The following C8orf34 variants were observed in gnomAD, a reference collection of about 807,000 sequenced individuals.
C8orf34 encodes the protein chromosome 8 open reading frame 34.
C8orf34 carries 65 observed loss-of-function variants against 68.3 expected under a neutral mutation model. The observed-to-expected ratio is 0.95, with a 90% CI of 0.78 to 1.17. The LOEUF is 1.17. C8orf34 is among the 50% of genes most tolerant of loss of function. The probability of loss-of-function intolerance (pLI) is 0.00; values close to 1 mark genes in which losing one functional copy is unlikely to be tolerated. For synonymous variants in C8orf34, 244 were observed against 241.2 expected (o/e 1.01, Z -0.11); for missense variants, 664 against 655.4 (o/e 1.01, Z -0.14).
At chr8:68,449,199 A>C (rs1157091749) in intron 3 of C8orf34, among the ~76,000 whole-genome samples, 1 of 152,132 alleles carries the variant, frequency 6.6e-6, no homozygotes, top group Non-Finnish European at 1.5e-5. Flanking sequence ...CCTTACCTTA[A>C]ATCATACCTG....
At chr8:68,567,588 T>G (rs987552447) in intron 7 of C8orf34, among the ~76,000 whole-genome samples, 1 of 118,348 alleles carries the variant, frequency 8.4e-6, no homozygotes, top group Non-Finnish European at 1.8e-5. Context: ...TTTTTTTTTT[T>G]TTTTTTTTTT....
chr8:68,728,413 A>T (rs751710431), intron 10 of C8orf34, among the ~76,000 whole-genome samples: 47 of 151,950 alleles, frequency 3.1e-4, no homozygotes, highest in African/African-American at 1.0e-3. Flanking sequence ...AACTGTTCCA[A>T]CCTCTGCCTG....
chr8:68,720,139 T>C (rs919869230), intron 9 of C8orf34, among the ~76,000 whole-genome samples: 1 of 151,994 alleles, frequency 6.6e-6, no homozygotes, highest in African/African-American at 2.4e-5. Context: ...GGAAAAGTAG[T>C]AAGTAAAATC....
intron 8 of C8orf34, among the ~76,000 whole-genome samples, chr8:68,657,348 A>C (rs180712782): frequency 6.6e-6 from 1 of 152,256 alleles, no homozygotes; most frequent in Non-Finnish European, 1.5e-5. Flanking sequence ...TGGAGCTCTC[A>C]TGCATGGAAT....
chr8:68,494,228 A>C (rs922116062), intron 5 of C8orf34, among the ~76,000 whole-genome samples: 1 of 152,220 alleles, frequency 6.6e-6, no homozygotes, highest in African/African-American at 2.4e-5. Context: ...ATACTACAAC[A>C]TGGATGAACC....
Position 68,395,545 on chromosome 8 carries a change from C to T in C8orf34, c.328-43954C>T, listed in dbSNP as rs142386974. 1.4e-4 allele frequency among the ~76,000 whole-genome samples: 21 copies of T among 152,154 alleles called. No homozygotes were observed. The East Asian group carries it at 3.7e-3, about 27-fold the overall frequency. On this transcript the variant is annotated intron_variant, in intron 1 of 13. Coordinates refer to ENST00000518698, the MANE Select transcript of C8orf34 (RefSeq NM_052958.4). ...TTCTGTTTTATACTTCTTATTTCTGCCTCACCATGTCAAATAACAATGAAA... is the reference window on the plus strand; with the variant it reads ...TTCTGTTTTATACTTCTTATTTCTGTCTCACCATGTCAAATAACAATGAAA...
chr8:68,549,724 T>A (rs1816002448), intron 7 of C8orf34, among the ~76,000 whole-genome samples: 1 of 151,728 alleles, frequency 6.6e-6, no homozygotes, highest in African/African-American at 2.4e-5. Flanking sequence ...AATAGTAGAT[T>A]TATCTATATT....
chr8:68,567,851 G>T (rs891557897), intron 7 of C8orf34, among the ~76,000 whole-genome samples: 1 of 151,788 alleles, frequency 6.6e-6, no homozygotes, highest in Admixed American at 6.6e-5. Flanking sequence ...TGGTGAAGAG[G>T]CCTAGTTTTC....
At chr8:68,697,204 C>T (rs887474006) in intron 8 of C8orf34, among the ~76,000 whole-genome samples, 1 of 151,654 alleles carries the variant, frequency 6.6e-6, no homozygotes, top group Admixed American at 6.6e-5. Context: ...CTTGATATTT[C>T]CTTTTATTTG....
intron 7 of C8orf34, among the ~76,000 whole-genome samples, chr8:68,562,148 G>C (rs960783440): frequency 3.3e-5 from 5 of 152,176 alleles, no homozygotes; most frequent in Non-Finnish European, 1.5e-5. Context: ...GTTCACACCA[G>C]CATCACCACA....
intron 7 of C8orf34, chr8:68,535,088 A>T (rs2380477): frequency 0.15 from 150,066 of 984,518 alleles, 13,239 homozygotes; most frequent in African/African-American, 0.39. Flanking sequence ...GGAATGTTAC[A>T]AGTCCACTGG....
At chr8:68,578,017 G>A (rs1816957244) in intron 7 of C8orf34, among the ~76,000 whole-genome samples, 1 of 151,486 alleles carries the variant, frequency 6.6e-6, no homozygotes, top group Admixed American at 6.6e-5. Flanking sequence ...TAGTCTTGGG[G>A]GATTTCATTT....
chr8:68,814,127 T>TCACTCTAAGGTCTGTGCTA (rs2129530067), intron 12 of C8orf34, among the ~76,000 whole-genome samples: 1 of 152,284 alleles, frequency 6.6e-6, no homozygotes, highest in South Asian at 2.1e-4. Context: ...GCTTCATCCT[T>TCACTCTAAGGTCTGTGCTA]CACTCTAAGG....
In C8orf34 at chr8:68,774,944, T is replaced by TAAAAAAAAAAAAAA. The variant is rs1224756627; in HGVS notation, c.1405-1445_1405-1432dup. Among the ~76,000 whole-genome samples, 61 of 44,666 alleles carry TAAAAAAAAAAAAAA rather than the reference T, an allele frequency of 1.4e-3. 6 individuals are homozygous for TAAAAAAAAAAAAAA. The highest frequency in any genetic ancestry group is 6.7e-3 in the African/African-American group (54 of 8,002). The allele number at this position is 44,666 out of a possible 152,430, so 29.3% of individuals were successfully genotyped here. ...CAACATGATGAAACCCTGTCTCCAC[T>TAAAAAAAAAAAAAA]AAAAAAAAAAAAAAAAAAAAAAATT... On this transcript the variant is annotated intron_variant, in intron 10 of 13. Transcript: ENST00000518698.
At chr8:68,669,116 G>A (rs575237349) in intron 8 of C8orf34, among the ~76,000 whole-genome samples, 12 of 152,210 alleles carry the variant, frequency 7.9e-5, no homozygotes, top group African/African-American at 2.2e-4. Flanking sequence ...AATAAAAAAC[G>A]AATAACTCAC....
chr8:68,531,619 A>G (rs1416106139), intron 6 of C8orf34, among the ~76,000 whole-genome samples: 2 of 152,190 alleles, frequency 1.3e-5, no homozygotes, highest in Non-Finnish European at 2.9e-5. Context: ...TCACTTGGTT[A>G]AGGTGATGTC....
chr8:68,371,661 A>G (rs1807569680), intron 1 of C8orf34, among the ~76,000 whole-genome samples: 2 of 149,214 alleles, frequency 1.3e-5, no homozygotes, highest in South Asian at 2.1e-4. Context: ...GTGCAATGGC[A>G]TGATCTCGGC....
At chr8:68,469,444 T>G (rs981733756) in intron 4 of C8orf34, among the ~76,000 whole-genome samples, 5 of 152,076 alleles carry the variant, frequency 3.3e-5, no homozygotes, top group African/African-American at 4.8e-5. Flanking sequence ...CTTCCTCTGC[T>G]AGGTGTGAAG....
At chr8:68,561,075 A>G (rs1816409635) in intron 7 of C8orf34, among the ~76,000 whole-genome samples, 1 of 150,332 alleles carries the variant, frequency 6.7e-6, no homozygotes, top group Non-Finnish European at 1.5e-5. Context: ...TTCCACCTCC[A>G]GGGTTCAGGT....
Sources: gnomAD v4.1 joint callset for allele counts (sites outside exome capture counted in the v4.1 genomes callset) on GRCh38, gnomAD v4.1.1 for gene constraint, MANE v1.5 for transcripts, NCBI Gene and HGNC (gene_info 2026-07-23, HGNC 2026-07-21) for gene names.